The following ATP6AP2 variants were observed in gnomAD, a reference collection of about 807,000 sequenced individuals.
ATP6AP2 encodes the protein renin receptor.
ATP6AP2 carries 1 observed loss-of-function variant against 23.4 expected under a neutral mutation model. The observed-to-expected ratio is 0.04, with a 90% confidence interval of 0.02 to 0.20. ATP6AP2 has a LOEUF of 0.20. Among genes scored for constraint, ATP6AP2 ranks in the 10% least tolerant of loss-of-function variants. The pLI is 1.00. For missense variants in ATP6AP2, 174 were observed against 271.3 expected (o/e 0.64, Z 2.52); for synonymous variants, 90 against 97.1 (o/e 0.93, Z 0.43).
chrX:40,599,499 A>C, intron 6 of ATP6AP2, 93 bp from the exon 7 acceptor site: 1 of 1,040,808 alleles, frequency 9.6e-7, no homozygotes, highest in East Asian at 3.1e-5. Flanking sequence ...AGTTTAGCCT[A>C]GTTTAGTTAG....
chrX:40,603,799 G>A (rs901158150), intron 8 of ATP6AP2, among the ~76,000 whole-genome samples: 3 of 111,460 alleles, frequency 2.7e-5, no homozygotes, highest in African/African-American at 9.8e-5. Context: ...GGAGTGCAGT[G>A]GCGCAATCAT....
At chrX:40,601,451 A>G (rs141621424) in intron 8 of ATP6AP2, among the ~76,000 whole-genome samples, 1,401 of 111,961 alleles carry the variant, frequency 0.013, 21 homozygotes, top group African/African-American at 0.043. Flanking sequence ...TGATTTACTT[A>G]ACAGTTTTTT....
At chrX:40,602,230 C>T (rs762477043) in intron 8 of ATP6AP2, among the ~76,000 whole-genome samples, 1 of 97,430 alleles carries the variant, frequency 1.0e-5, no homozygotes, top group African/African-American at 4.8e-5. Context: ...TGCAGTGAGC[C>T]AAGATTGCAC....
intron 1 of ATP6AP2, among the ~76,000 whole-genome samples, chrX:40,586,877 G>A (rs1040280923): frequency 5.3e-5 from 6 of 112,366 alleles, no homozygotes; most frequent in Non-Finnish European, 1.1e-4. Flanking sequence ...TACGAAGCTG[G>A]GGCAAAGTTA....
At chrX:40,596,411 TAACTG>T (rs771473214) in intron 3 of ATP6AP2, among the ~76,000 whole-genome samples, 4 of 111,325 alleles carry the variant, frequency 3.6e-5, no homozygotes, top group African/African-American at 1.3e-4. Context: ...AGGGGAAAAA[TAACTG>T]TAATTTATTT....
chrX:40,597,733 G>T (rs1926810110), intron 5 of ATP6AP2, 69 bp downstream of exon 5: 2 of 1,084,851 alleles, frequency 1.8e-6, no homozygotes, highest in Non-Finnish European at 2.5e-6. Flanking sequence ...TAGAGACAGG[G>T]TCTCACTCTG....
chrX:40,596,062 C>T (rs1482131109), intron 3 of ATP6AP2: 1 of 110,016 alleles, frequency 9.1e-6, no homozygotes, highest in Non-Finnish European at 1.9e-5. Context: ...GCCTGTAATC[C>T]CAGCTATTCA....
chrX:40,582,471 G>A (rs1208545412), intron 1 of ATP6AP2, among the ~76,000 whole-genome samples: 1 of 111,722 alleles, frequency 9.0e-6, no homozygotes, highest in Non-Finnish European at 1.9e-5. Flanking sequence ...ACCTATGTGA[G>A]GTGTTGGGAG....
intron 8 of ATP6AP2, 74 bp downstream of exon 8, chrX:40,600,955 T>C: frequency 5.1e-6 from 5 of 977,976 alleles, no homozygotes; most frequent in Non-Finnish European, 7.1e-6. Context: ...CCAAGTCCTA[T>C]ATCACCTAAG....
At chrX:40,602,238 C>T (rs1259563545) in intron 8 of ATP6AP2, among the ~76,000 whole-genome samples, 1 of 98,398 alleles carries the variant, frequency 1.0e-5, no homozygotes, top group African/African-American at 4.7e-5. Flanking sequence ...GCCAAGATTG[C>T]ACCACTGCAC....
At chrX:40,601,907 A>T (rs1178517652) in intron 8 of ATP6AP2, among the ~76,000 whole-genome samples, 1 of 112,533 alleles carries the variant, frequency 8.9e-6, no homozygotes, top group Non-Finnish European at 1.9e-5. Flanking sequence ...TTCAGACAGC[A>T]TGTCAGTCTA....
chrX:40,604,079 AGAAT>A (rs1195107236), intron 8 of ATP6AP2, among the ~76,000 whole-genome samples: 1 of 111,952 alleles, frequency 8.9e-6, no homozygotes, highest in Non-Finnish European at 1.9e-5. Flanking sequence ...TTCTCTAGCC[AGAAT>A]GAATGATATT....
intron 1 of ATP6AP2, among the ~76,000 whole-genome samples, chrX:40,587,594 T>C (rs779692787): frequency 2.7e-5 from 3 of 112,651 alleles, no homozygotes; most frequent in Non-Finnish European, 3.7e-5. Context: ...TAGTGGTACT[T>C]TCCTTAGGTC....
At chrX:40,588,853 C>A in intron 1 of ATP6AP2, 133 bp from the exon 2 acceptor site, 1 of 700,039 alleles carries the variant, frequency 1.4e-6, no homozygotes. Flanking sequence ...GTTTAGGACT[C>A]AGCATTTTGA....
chrX:40,602,926 T>TGA (rs1926969286), intron 8 of ATP6AP2, among the ~76,000 whole-genome samples: 1 of 23,913 alleles, frequency 4.2e-5, no homozygotes, highest in East Asian at 9.7e-4. Flanking sequence ...TTTTTTTTTT[T>TGA]TTTTTTTTTT....
intron 8 of ATP6AP2, among the ~76,000 whole-genome samples, chrX:40,601,327 C>T (rs924516034): frequency 9.0e-6 from 1 of 110,824 alleles, no homozygotes; most frequent in South Asian, 3.8e-4. Flanking sequence ...TGAATGTGTG[C>T]GGGAGTGGTG....
chrX:40,590,903 TG>T (rs1926610150), intron 2 of ATP6AP2: 4 of 226,950 alleles, frequency 1.8e-5, no homozygotes, highest in Non-Finnish European at 3.2e-5. Flanking sequence ...AAAATTTCCA[TG>T]GCTACATGAA....
In ATP6AP2 at chrX:40,605,823, G is replaced by A; in HGVS notation, c.*68G>A. 1 of 978,295 alleles carries A rather than the reference G, an allele frequency of 1.0e-6. No homozygotes were observed. The highest frequency in any genetic ancestry group is 2.0e-5 in the South Asian group (1 of 50,466). 80.6% of individuals were successfully genotyped at this position (978,295 alleles called of 1,213,427 possible). A position where few individuals can be genotyped will look rare whatever the true frequency, so the allele number is the denominator to read the frequency against. On this transcript the variant is annotated 3_prime_UTR_variant, in exon 9 of 9. Transcript: ENST00000636580. The stretch of plus-strand genomic sequence containing the variant: ...CTGTTTTGTTAAAATATATCTTTTA[G>A]TGTGCTTTAAAGTAGATAGTATACT...
At position 40,600,834 on chromosome X, in the gene ATP6AP2, A is replaced by T. The variant is rs756957661; in HGVS notation, c.811A>T (p.Thr271Ser). 1.1e-5 allele frequency: 13 copies of T among 1,205,704 alleles called. No homozygotes were observed. Among genetic ancestry groups the T allele is most frequent in the Middle Eastern group, 2.4e-4 (1 of 4,139 alleles). The change falls in exon 8 of 9, where the codon ACC (threonine) becomes TCC (serine). Residue 271 changes from threonine to serine, a missense_variant. Thr to Ser is a moderately conservative substitution (Grantham distance 58). Coordinates refer to ENST00000636580, the MANE Select transcript of ATP6AP2 (RefSeq NM_005765.3). ...VELVTVKSFD[T>S]SLIRKTRTIL... ...GTTAGTCACTGTCAAGTCATTTGAC[A>T]CCTCCCTCATTAGGAAGACAAGGAC...
Sources: allele counts gnomAD v4.1 joint callset (sites outside exome capture counted in the v4.1 genomes callset), GRCh38; gene constraint gnomAD v4.1.1; transcripts MANE v1.5; gene names NCBI Gene and HGNC (gene_info 2026-07-23, HGNC 2026-07-21).